LRRC31: variants seen among roughly 807,000 people sequenced by gnomAD.
LRRC31 encodes leucine-rich repeat-containing protein 31.
Under a neutral mutation model 46.7 loss-of-function variants are expected in LRRC31, and 35 were observed. The observed-to-expected ratio is 0.75, with a 90% CI of 0.57 to 0.99. The LOEUF is 0.99. Ranked by LOEUF, LRRC31 falls within the 50% of genes least tolerant of loss-of-function variation. LRRC31 has a pLI of 0.00. For missense variants in LRRC31, 613 were observed against 626.1 expected (o/e 0.98, Z 0.22); for synonymous variants, 236 against 235.1 (o/e 1.00, Z -0.03).
chr3:169,852,490 A>G (rs79001526), intron 6 of LRRC31, among the ~76,000 whole-genome samples: 9,217 of 152,070 alleles, frequency 0.061, 345 homozygotes, highest in Admixed American at 0.095. Flanking sequence ...TGGTAAAGGT[A>G]AAGTGCTTGG....
Position 169,856,427 on chromosome 3 carries a change from G to C in LRRC31, c.732C>G (p.Asn244Lys), listed in dbSNP as rs574769060. The change falls in exon 5 of 9, where the codon AAC becomes AAG. Residue 244 changes from asparagine (N) to lysine (K), a missense_variant. By Grantham distance (94) the Asn-to-Lys change is moderately conservative (BLOSUM62 0). Transcript: ENST00000316428. ...TGCTTTTTAATCCCTGAGCAATACT[G>C]TTCAGACTGCCAACAATGTCTCTGT... ...SINRDIVGSLNSIAQGLKSTS... is the reference protein window; with the variant it reads ...SINRDIVGSLKSIAQGLKSTS... The C allele has an allele frequency of 8.1e-6, 13 of 1,608,536 alleles. No individual in the cohort carries two copies. The highest frequency in any genetic ancestry group is 1.0e-5 in the Non-Finnish European group (12 of 1,177,396).
At chr3:169,852,399 T>G (rs1780809673) in intron 6 of LRRC31, among the ~76,000 whole-genome samples, 1 of 88,200 alleles carries the variant, frequency 1.1e-5, no homozygotes, top group African/African-American at 4.6e-5. Context: ...TGAGACTCCG[T>G]CTCAAAAAAA....
intron 1 of LRRC31, among the ~76,000 whole-genome samples, chr3:169,867,723 A>G (rs1444791299): frequency 6.6e-6 from 1 of 152,228 alleles, no homozygotes; most frequent in African/African-American, 2.4e-5. Flanking sequence ...CTATTTTTGC[A>G]TATGCTTAAA....
intron 8 of LRRC31, among the ~76,000 whole-genome samples, chr3:169,843,902 G>C (rs1443800740): frequency 6.6e-6 from 1 of 152,152 alleles, no homozygotes; most frequent in Admixed American, 6.5e-5. Context: ...AGAAGAAATA[G>C]ACAACTGGAA....
At position 169,869,708 on chromosome 3, in the gene LRRC31, T is replaced by C. The variant is rs1057352681; in HGVS notation, c.100A>G (p.Lys34Glu). Residue 34 changes from lysine (K) to glutamate (E), a missense_variant, in exon 1 of 9, where the codon AAA becomes GAA. Transcript: ENST00000316428. ...FLRGSNAESR[K>E]EDNDLKTSDS... ...CTTGTTTTAAGGTCATTGTCCTCTT[T>C]TCTGCTTTCAGCATTGGAGCCCCTG... 1.2e-6 allele frequency: 2 copies of C among 1,613,470 alleles called. No individual in the cohort carries two copies. The highest frequency in any genetic ancestry group is 1.7e-6 in the Non-Finnish European group (2 of 1,179,832).
rs375679228 is a variant in LRRC31, at chr3:169,845,798, C to T, written c.1327+2322G>A. On this transcript the variant is annotated intron_variant, in intron 8 of 8. Transcript: ENST00000316428. ...TCTTTGAGAACTTAGATTTGCAAAACGCTCTAAGATGCAACACAAAAAAAC... is the reference window on the plus strand; with the variant it reads ...TCTTTGAGAACTTAGATTTGCAAAATGCTCTAAGATGCAACACAAAAAAAC... 4.3e-4 allele frequency among the ~76,000 whole-genome samples: 65 copies of T among 151,836 alleles called. 1 individual carries two copies. Among genetic ancestry groups the T allele is most frequent in the South Asian group, 4.2e-3 (20 of 4,796 alleles).
At chr3:169,841,106 TCTCTA>T (rs750614209) in intron 8 of LRRC31, among the ~76,000 whole-genome samples, 1 of 152,180 alleles carries the variant, frequency 6.6e-6, no homozygotes, top group Non-Finnish European at 1.5e-5. Context: ...TTTCACAGCC[TCTCTA>T]CTCATGACCA....
chr3:169,841,362 T>A (rs564792690), intron 8 of LRRC31, among the ~76,000 whole-genome samples: 1 of 152,338 alleles, frequency 6.6e-6, no homozygotes, highest in South Asian at 2.1e-4. Context: ...GGTCTTTCAG[T>A]CTTTCCTCAC....
chr3:169,855,091 G>A, intron 5 of LRRC31, 111 bp from the exon 6 acceptor site: 1 of 886,352 alleles, frequency 1.1e-6, no homozygotes, highest in Non-Finnish European at 1.7e-6. Context: ...CGGAGTTCGA[G>A]TCCAGCTTGG....
chr3:169,864,620 G>A (rs1183035754), intron 1 of LRRC31, among the ~76,000 whole-genome samples: 1 of 152,186 alleles, frequency 6.6e-6, no homozygotes, highest in African/African-American at 2.4e-5. Context: ...TTTGTTAAAT[G>A]AGCAAACAAT....
Position 169,869,630 on chromosome 3 carries a change from T to C in LRRC31, c.175+3A>G, listed in dbSNP as rs1781428829. The C allele has an allele frequency of 6.3e-7, 1 of 1,585,018 alleles. No individual in the cohort carries two copies. The highest frequency in any genetic ancestry group is 1.8e-5 in the Admixed American group (1 of 55,538). The stretch of plus-strand genomic sequence containing the variant: ...GCAAAAACACCAGCAGCCAGCAGCT[T>C]ACCAGTCTCTGAGGTGGCTGTCTTC... On this transcript the variant is annotated splice_donor_region_variant and intron_variant, in intron 1 of 8. Transcript: ENST00000316428.
chr3:169,860,510 G>T, intron 3 of LRRC31, 51 bp downstream of exon 3: 1 of 1,594,894 alleles, frequency 6.3e-7, no homozygotes, highest in South Asian at 1.1e-5. Flanking sequence ...TTACAGCTGT[G>T]AGCCACGGCG....
intron 1 of LRRC31, among the ~76,000 whole-genome samples, chr3:169,867,444 A>G (rs1448580385): frequency 2.0e-5 from 3 of 151,914 alleles, no homozygotes; most frequent in Non-Finnish European, 4.4e-5. Context: ...TTTTTAATAG[A>G]GACTGGGTTT....
chr3:169,851,071 G>T lies in LRRC31; in HGVS notation c.1159+548C>A, dbSNP rs574949701. Among the ~76,000 whole-genome samples, 7 of 152,222 alleles carry T rather than the reference G, an allele frequency of 4.6e-5. No individual in the cohort carries two copies. The South Asian group carries it at 1.5e-3, about 32-fold the overall frequency. On this transcript the variant is annotated intron_variant, in intron 7 of 8. Transcript: ENST00000316428. ...ATTCCTCAGACAGCACATAAATCCT[G>T]TTGGGAGTGATTGCTTGGCAGTTAG...
At chr3:169,852,257 G>T (rs527443467) in intron 6 of LRRC31, among the ~76,000 whole-genome samples, 56 of 150,030 alleles carry the variant, frequency 3.7e-4, no homozygotes, top group Admixed American at 8.0e-4. Flanking sequence ...AAAAAAATTA[G>T]CCGGGCGCAG....
Position 169,863,912 on chromosome 3 carries a change from C to G in LRRC31, c.176-2099G>C, listed in dbSNP as rs192069446. Among the ~76,000 whole-genome samples the G allele has an allele frequency of 4.5e-3, 679 of 152,028 alleles. 3 individuals carry two copies. Among genetic ancestry groups the G allele is most frequent in the Non-Finnish European group, 7.6e-3 (519 of 67,988 alleles). On this transcript the variant is annotated intron_variant, in intron 1 of 8. Coordinates refer to ENST00000316428, the MANE Select transcript of LRRC31 (RefSeq NM_024727.4). The stretch of plus-strand genomic sequence containing the variant: ...CATTTTGTCTAAACGAGTCACAAAC[C>G]ATTTCATAGATTTGGAAACTTAGAG...
chr3:169,865,484 G>C (rs889061742), intron 1 of LRRC31, among the ~76,000 whole-genome samples: 2 of 152,162 alleles, frequency 1.3e-5, no homozygotes, highest in Non-Finnish European at 2.9e-5. Context: ...CTCTCACTAA[G>C]TTCCTTTCCG....
In LRRC31 at chr3:169,865,554, C is replaced by T. The variant is rs542532531; in HGVS notation, c.176-3741G>A. Among the ~76,000 whole-genome samples, 195 of 152,336 alleles carry T rather than the reference C, an allele frequency of 1.3e-3. 1 individual carries two copies. The highest frequency in any genetic ancestry group is 4.5e-3 in the African/African-American group (186 of 41,574). ...TCGACACTCATAAAACATTATTACA[C>T]ATTGGTAACATGGGTGGTACTGTAC... is the stretch of plus-strand genomic sequence containing the variant. On this transcript the variant is annotated intron_variant, in intron 1 of 8. Transcript: ENST00000316428.
chr3:169,843,307 C>T (rs936013128), intron 8 of LRRC31, among the ~76,000 whole-genome samples: 4 of 152,152 alleles, frequency 2.6e-5, no homozygotes, highest in African/African-American at 4.8e-5. Context: ...AGCAAGAAAA[C>T]GGGACCCTCA....
Sources: gnomAD v4.1 joint callset for allele counts (sites outside exome capture counted in the v4.1 genomes callset) on GRCh38, gnomAD v4.1.1 for gene constraint, MANE v1.5 for transcripts, NCBI Gene and HGNC (gene_info 2026-07-23, HGNC 2026-07-21) for gene names.